CERS5: variants seen among roughly 807,000 people sequenced by gnomAD.
CERS5 encodes LAG1 homolog, ceramide synthase 5.
CERS5 carries 37 observed loss-of-function variants against 58.9 expected under a neutral mutation model. The ratio of observed to expected loss-of-function variants is 0.63; its 90% CI spans 0.48 to 0.83. The LOEUF (loss-of-function observed/expected upper bound fraction) is 0.83. Among genes scored for constraint, CERS5 ranks in the 40% least tolerant of loss-of-function variants. CERS5 has a pLI of 0.00. For synonymous variants in CERS5, 147 were observed against 177.8 expected (o/e 0.83, Z 1.38); for missense variants, 398 against 489.3 (o/e 0.81, Z 1.76).
chr12:50,141,993 C>T (rs1238323123), intron 4 of CERS5, 60 bp downstream of exon 4: 13 of 858,384 alleles, frequency 1.5e-5, no homozygotes, highest in Non-Finnish European at 2.5e-5. Flanking sequence ...TTAACTCTTA[C>T]TTCTAGAGAT....
chr12:50,144,289 G>A (rs1269072749), intron 1 of CERS5: 8 of 445,588 alleles, frequency 1.8e-5, no homozygotes, highest in African/African-American at 9.8e-5. Flanking sequence ...GATTACAGGC[G>A]TGGGCCACTG....
At chr12:50,157,124 C>T (rs1938746821) in intron 1 of CERS5, among the ~76,000 whole-genome samples, 1 of 152,102 alleles carries the variant, frequency 6.6e-6, no homozygotes, top group African/African-American at 2.4e-5. Flanking sequence ...TCCCAGCCTA[C>T]ATCTTTCTCT....
intron 1 of CERS5, among the ~76,000 whole-genome samples, chr12:50,159,017 T>A (rs753891315): frequency 2.0e-5 from 3 of 151,764 alleles, no homozygotes; most frequent in Non-Finnish European, 2.9e-5. Flanking sequence ...TAGAAGCAAC[T>A]GTCAATCAAA....
intron 1 of CERS5, among the ~76,000 whole-genome samples, chr12:50,150,226 T>C (rs568602435): frequency 3.3e-5 from 5 of 152,282 alleles, no homozygotes; most frequent in African/African-American, 1.2e-4. Flanking sequence ...CTGGATGTGG[T>C]GGCATGTGCC....
At chr12:50,138,982 G>A (rs1360178969) in intron 4 of CERS5, among the ~76,000 whole-genome samples, 2 of 152,138 alleles carry the variant, frequency 1.3e-5, no homozygotes, top group South Asian at 2.1e-4. Flanking sequence ...TAATGATTAT[G>A]TCCTTTAAGG....
At chr12:50,157,327 A>G (rs1016379339) in intron 1 of CERS5, among the ~76,000 whole-genome samples, 2 of 151,808 alleles carry the variant, frequency 1.3e-5, no homozygotes, top group Admixed American at 1.3e-4. Flanking sequence ...GAGAACCCTG[A>G]CTGATACAGT....
intron 6 of CERS5, among the ~76,000 whole-genome samples, chr12:50,136,476 A>T (rs1279246276): frequency 1.3e-5 from 2 of 151,980 alleles, no homozygotes; most frequent in Non-Finnish European, 2.9e-5. Context: ...CCGTCTCAAA[A>T]AAAAAAAAAA....
At chr12:50,138,657 C>G in intron 4 of CERS5, 40 bp from the exon 5 acceptor site, 1 of 1,561,070 alleles carries the variant, frequency 6.4e-7, no homozygotes, top group Non-Finnish European at 8.8e-7. Flanking sequence ...CCTCAAGATT[C>G]TCACCTGGCT....
chr12:50,147,007 T>G (rs1312907350), intron 1 of CERS5, among the ~76,000 whole-genome samples: 1 of 152,222 alleles, frequency 6.6e-6, no homozygotes, highest in African/African-American at 2.4e-5. Context: ...ACACAGTTAA[T>G]GAATTACCTT....
intron 3 of CERS5, among the ~76,000 whole-genome samples, chr12:50,142,685 G>T (rs1352228123): frequency 6.6e-6 from 1 of 151,908 alleles, no homozygotes; most frequent in Admixed American, 6.6e-5. Context: ...ATGAGAAAAA[G>T]CTCAATAAAA....
chr12:50,137,492 G>T lies in CERS5; in HGVS notation c.636+236C>A, dbSNP rs1951749413. Among the ~76,000 whole-genome samples the T allele has an allele frequency of 2.0e-5, 3 of 152,160 alleles. No homozygotes were observed. In the South Asian group the frequency reaches 6.2e-4, roughly 32 times the overall value. ...AGCTTAAAGAAGAATATGGAAAAAA[G>T]TATGCTTCTTAGCTGGTTAATTGTT... On this transcript the variant is annotated intron_variant, in intron 6 of 9. Coordinates refer to ENST00000317551, the MANE Select transcript of CERS5 (RefSeq NM_147190.5).
At chr12:50,166,642 A>C (rs1939932125) in intron 1 of CERS5, among the ~76,000 whole-genome samples, 1 of 152,096 alleles carries the variant, frequency 6.6e-6, no homozygotes, top group African/African-American at 2.4e-5. Context: ...AAATCTTAAG[A>C]GTCTGATGAG....
rs1227299903 is a variant in CERS5, at chr12:50,153,935, C to T, written c.198-9878G>A. On this transcript the variant is annotated intron_variant, in intron 1 of 9. Coordinates refer to ENST00000317551, the MANE Select transcript of CERS5 (RefSeq NM_147190.5). ...CACCATTGGACTCCAGCCTGGGCGA[C>T]AAGAGCAAAACACCACCTCAAAACA... is the stretch of plus-strand genomic sequence containing the variant. The T allele has an allele frequency of 8.5e-6, 3 of 352,726 alleles. No individual in the cohort carries two copies. The Admixed American group carries it at 1.1e-4, about 12-fold the overall frequency. The allele number at this position is 352,726 out of a possible 1,614,324, so 21.8% of individuals were successfully genotyped here.
chr12:50,131,125 G>A (rs1253355478), intron 9 of CERS5, among the ~76,000 whole-genome samples: 1 of 152,176 alleles, frequency 6.6e-6, no homozygotes, highest in Non-Finnish European at 1.5e-5. Context: ...TGGTTATGCT[G>A]TTTTGCTTTA....
chr12:50,143,064 G>A lies in CERS5; in HGVS notation c.434+10C>T, dbSNP rs764964517. 8 of 1,595,588 alleles carry A rather than the reference G, an allele frequency of 5.0e-6. No individual in the cohort carries two copies. The African/African-American group carries it at 9.4e-5, about 19-fold the overall frequency. On this transcript the variant is annotated intron_variant, in intron 3 of 9. Transcript: ENST00000317551. ...TTCCTTATTCCCTCCCTCCCTCCTT[G>A]CGTACTTACATGCTTTCACAGAATT...
intron 1 of CERS5, among the ~76,000 whole-genome samples, chr12:50,161,888 T>C (rs1212413061): frequency 7.2e-6 from 1 of 139,754 alleles, no homozygotes; most frequent in Non-Finnish European, 1.6e-5. Context: ...TTTTTTTTTT[T>C]TTTTGAGACA....
chr12:50,135,146 AGGAGGGAGG>A (rs1951576155), intron 8 of CERS5, among the ~76,000 whole-genome samples: 4 of 38,366 alleles, frequency 1.0e-4, no homozygotes, highest in Non-Finnish European at 1.5e-4. Flanking sequence ...GGAGAGAGAG[AGGAGGGAGG>A]GAGAGAGAGG....
At chr12:50,131,272 C>T (rs545348886) in intron 9 of CERS5, among the ~76,000 whole-genome samples, 1 of 152,224 alleles carries the variant, frequency 6.6e-6, no homozygotes, top group Admixed American at 6.5e-5. Flanking sequence ...GAAACTTCAG[C>T]ATCCCTGGCT....
intron 8 of CERS5, among the ~76,000 whole-genome samples, chr12:50,135,248 AGGAGGGAGGGAGAGAGGGGAG>A (rs1951607424): frequency 2.3e-5 from 1 of 43,478 alleles, no homozygotes; most frequent in Non-Finnish European, 4.0e-5. Flanking sequence ...GGAGAGAGAG[AGGAGGGAGGGAGAGAGGGGAG>A]GGAGGGAGAG....
Sources: gnomAD v4.1 joint callset for allele counts (sites outside exome capture counted in the v4.1 genomes callset) on GRCh38, gnomAD v4.1.1 for gene constraint, MANE v1.5 for transcripts, NCBI Gene and HGNC (gene_info 2026-07-23, HGNC 2026-07-21) for gene names.